The following STXBP5 variants were observed in gnomAD, a reference collection of about 807,000 sequenced individuals.
STXBP5 encodes the protein syntaxin binding protein 5.
In STXBP5, 50 loss-of-function variants were observed where a neutral mutation model predicts 152.4. That is an observed-to-expected ratio of 0.33 (90% CI 0.26 to 0.42). The LOEUF is 0.42. Ranked by LOEUF, STXBP5 falls within the 10% of genes least tolerant of loss-of-function variation. STXBP5 has a pLI of 1.00. For synonymous variants in STXBP5, 492 were observed against 494.7 expected (o/e 0.99, Z 0.07); for missense variants, 1,167 against 1,388.6 (o/e 0.84, Z 2.54).
At chr6:147,288,009 C>T (rs1030508855) in intron 8 of STXBP5, among the ~76,000 whole-genome samples, 40 of 151,692 alleles carry the variant, frequency 2.6e-4, no homozygotes, top group African/African-American at 9.7e-4. Context: ...AAATGAGTGA[C>T]TGGGGCCTTC....
At chr6:147,215,801 A>G (rs1330720768) in intron 2 of STXBP5, among the ~76,000 whole-genome samples, 1 of 152,158 alleles carries the variant, frequency 6.6e-6, no homozygotes, top group African/African-American at 2.4e-5. Context: ...TATGATTAGT[A>G]TAATAATAAA....
chr6:147,335,769 C>T (rs1783795993), intron 19 of STXBP5, among the ~76,000 whole-genome samples: 1 of 151,836 alleles, frequency 6.6e-6, no homozygotes, highest in South Asian at 2.1e-4. Flanking sequence ...CCACTGCACT[C>T]CAGCCTGGGC....
At chr6:147,229,481 A>G (rs949925534) in intron 2 of STXBP5, among the ~76,000 whole-genome samples, 1 of 151,928 alleles carries the variant, frequency 6.6e-6, no homozygotes, top group Non-Finnish European at 1.5e-5. Flanking sequence ...GATTACTGCC[A>G]TCTTAATAAT....
chr6:147,339,262 ATT>A, intron 20 of STXBP5, 24 bp downstream of exon 20: 3 of 1,511,452 alleles, frequency 2.0e-6, no homozygotes, highest in Non-Finnish European at 2.7e-6. Flanking sequence ...ATTTTAAAGT[ATT>A]TTCTTTTATG....
intron 26 of STXBP5, among the ~76,000 whole-genome samples, chr6:147,378,409 T>TAA (rs34601059): frequency 3.5e-4 from 48 of 136,058 alleles, no homozygotes; most frequent in African/African-American, 9.0e-4. Context: ...GATTTATCAT[T>TAA]AAAAAAAAAA....
chr6:147,269,540 ACAGACT>A (rs1290307830), intron 7 of STXBP5, among the ~76,000 whole-genome samples: 3 of 152,180 alleles, frequency 2.0e-5, no homozygotes, highest in Admixed American at 6.5e-5. Context: ...GAAAATAGAA[ACAGACT>A]CAGAAATGAC....
chr6:147,380,500 C>CA (rs1222471120), intron 26 of STXBP5, among the ~76,000 whole-genome samples: 1 of 146,206 alleles, frequency 6.8e-6, no homozygotes, highest in Admixed American at 6.8e-5. Context: ...ACACCACACA[C>CA]AAAAATTAAT....
At chr6:147,323,265 T>G (rs948020054) in intron 16 of STXBP5, among the ~76,000 whole-genome samples, 7 of 152,192 alleles carry the variant, frequency 4.6e-5, no homozygotes, top group Non-Finnish European at 1.0e-4. Context: ...CAATCTCCCT[T>G]TTTCTTGTTT....
rs775336795 is a variant in STXBP5, at chr6:147,386,582, A to G, written c.*1827A>G. 2 of 151,860 alleles carry G rather than the reference A, an allele frequency of 1.3e-5. No individual in the cohort carries two copies. Among genetic ancestry groups the G allele is most frequent in the Non-Finnish European group, 3.0e-5 (2 of 67,788 alleles). The allele number at this position is 151,860 out of a possible 1,614,324, so 9.4% of individuals were successfully genotyped here. On this transcript the variant is annotated 3_prime_UTR_variant, in exon 28 of 28. Transcript: ENST00000321680. ...ATAAGCCCTTTTCAAAAGTTTTTGA[A>G]TTTATAGAAAGCACCAATGAATAAC...
chr6:147,382,089 A>C (rs1385316591), intron 26 of STXBP5, among the ~76,000 whole-genome samples: 1 of 152,172 alleles, frequency 6.6e-6, no homozygotes, highest in Non-Finnish European at 1.5e-5. Flanking sequence ...GAACCAGGAA[A>C]CTTGAGATCA....
intron 9 of STXBP5, among the ~76,000 whole-genome samples, chr6:147,291,625 T>G (rs997235552): frequency 6.6e-6 from 1 of 151,978 alleles, no homozygotes; most frequent in South Asian, 2.1e-4. Flanking sequence ...TTAAAGGGAG[T>G]TTGTTGGTTG....
At position 147,303,599 on chromosome 6, in the gene STXBP5, C is replaced by T. The variant is rs146608187; in HGVS notation, c.918-6485C>T. Among the ~76,000 whole-genome samples, 206 of 152,224 alleles carry T rather than the reference C, an allele frequency of 1.4e-3. 2 individuals are homozygous for T. The highest frequency in any genetic ancestry group is 4.9e-3 in the African/African-American group (202 of 41,552). The stretch of plus-strand genomic sequence containing the variant: ...GAAGTGACTATGGAACTGGGTAACA[C>T]GCAGAAGTTGGAACAGTTTGGAGGG... On this transcript the variant is annotated intron_variant, in intron 9 of 27. Coordinates refer to ENST00000321680, the MANE Select transcript of STXBP5 (RefSeq NM_001127715.4).
Position 147,359,279 on chromosome 6 carries a change from G to T in STXBP5, c.2501G>T (p.Gly834Val). Residue 834 changes from glycine (G) to valine (V), a missense_variant, in exon 23 of 28, where the codon GGG (glycine) becomes GTG (valine). By Grantham distance (109) the Gly-to-Val change is moderately radical. Transcript: ENST00000321680. ...VLVIALNLPP[G>V]GEQRLLQPVI... ...GTCATTGCACTGAACCTTCCCCCAG[G>T]GGGAGAGCAAAGACTTCTTCAGCCA... The T allele has an allele frequency of 1.2e-6, 2 of 1,613,962 alleles. No homozygotes were observed. Among genetic ancestry groups the T allele is most frequent in the Non-Finnish European group, 1.7e-6 (2 of 1,179,906 alleles).
intron 2 of STXBP5, among the ~76,000 whole-genome samples, chr6:147,215,143 G>C (rs968093119): frequency 6.6e-6 from 1 of 152,202 alleles, no homozygotes; most frequent in Non-Finnish European, 1.5e-5. Context: ...GAATAAGTGT[G>C]CGTCAGTAAA....
At chr6:147,307,330 A>G (rs1417368720) in intron 9 of STXBP5, among the ~76,000 whole-genome samples, 1 of 152,186 alleles carries the variant, frequency 6.6e-6, no homozygotes, top group Non-Finnish European at 1.5e-5. Context: ...TCAAGTAAAA[A>G]CTATTATCTC....
chr6:147,319,310 C>T (rs925556900), intron 16 of STXBP5, among the ~76,000 whole-genome samples: 2 of 151,896 alleles, frequency 1.3e-5, no homozygotes, highest in African/African-American at 4.8e-5. Flanking sequence ...ATTTGATTAG[C>T]CTGGAATTAT....
rs967678707 is a variant in STXBP5 at position 147,389,968 on chromosome 6, A to G, written c.*5213A>G. The G allele has an allele frequency of 1.3e-5, 2 of 151,986 alleles. No homozygotes were observed. The highest frequency in any genetic ancestry group is 2.4e-5 in the African/African-American group (1 of 41,428). The allele number at this position is 151,986 out of a possible 1,614,324, so 9.4% of individuals were successfully genotyped here. A position where few individuals can be genotyped will look rare whatever the true frequency, so the allele number is the denominator to read the frequency against. On this transcript the variant is annotated 3_prime_UTR_variant, in exon 28 of 28. Transcript: ENST00000321680. ...ATTGTAAATGCATTACCAAAAGACA[A>G]TATGAAAAAGAGCAAGATTAAGTTT...
At chr6:147,286,724 G>A (rs1461578496) in intron 8 of STXBP5, among the ~76,000 whole-genome samples, 1 of 151,986 alleles carries the variant, frequency 6.6e-6, no homozygotes, top group Non-Finnish European at 1.5e-5. Flanking sequence ...AAAGAGGGGA[G>A]GGACCAAAAA....
At chr6:147,347,316 C>G (rs1312704305) in intron 21 of STXBP5, among the ~76,000 whole-genome samples, 4 of 152,142 alleles carry the variant, frequency 2.6e-5, no homozygotes, top group Non-Finnish European at 5.9e-5. Flanking sequence ...GAACAGTTTT[C>G]AAGTATGAAG....
Sources: gnomAD v4.1 joint callset for allele counts (sites outside exome capture counted in the v4.1 genomes callset) on GRCh38, gnomAD v4.1.1 for gene constraint, MANE v1.5 for transcripts, NCBI Gene and HGNC (gene_info 2026-07-23, HGNC 2026-07-21) for gene names.